The following RBM42 variants were observed in gnomAD, a reference collection of about 807,000 sequenced individuals.
The protein encoded by RBM42 is RNA-binding protein 42.
In RBM42, 21 loss-of-function variants were observed where a neutral mutation model predicts 41.4. The ratio of observed to expected loss-of-function variants is 0.51; its 90% CI spans 0.36 to 0.73. The LOEUF (loss-of-function observed/expected upper bound fraction) is 0.73, where lower values mean the gene tolerates loss of function less well. RBM42 is among the 30% of genes least tolerant of loss of function. RBM42 has a pLI of 0.00. For missense variants in RBM42, 539 were observed against 680.4 expected (o/e 0.79, Z 2.31); for synonymous variants, 272 against 271.2 (o/e 1.00, Z -0.03).
At chr19:35,631,502 C>T in intron 4 of RBM42, 97 bp downstream of exon 4, 1 of 1,116,926 alleles carries the variant, frequency 9.0e-7, no homozygotes, top group South Asian at 1.4e-5. Flanking sequence ...TTACCCTTTG[C>T]CTTTGATCCC....
rs1967435330 is a variant in RBM42 at position 35,633,157 on chromosome 19, C to G, written c.589C>G (p.Leu197Val). Residue 197 changes from leucine (L) to valine (V), a missense_variant, in exon 6 of 10, where the codon CTG (leucine) becomes GTG (valine). Around this residue, in one of 2 missense-constraint regions of RBM42, gnomAD observed 429 missense variants for 488.9 expected, o/e 0.88. Transcript: ENST00000262633. ...PPHQALVGPP[L>V]PGPPGPPMML... ...TCACCAGGCCCTCGTGGGCCCCCCT[C>G]TGCCTGGGCCCCCTGGACCACCCAT... is the stretch of plus-strand genomic sequence containing the variant. 1.9e-6 allele frequency: 3 copies of G among 1,589,054 alleles called. No homozygotes were observed. The East Asian group carries it at 6.7e-5, about 36-fold the overall frequency.
At chr19:35,632,457 A>C (rs1182117476) in intron 4 of RBM42, among the ~76,000 whole-genome samples, 2 of 152,216 alleles carry the variant, frequency 1.3e-5, no homozygotes, top group South Asian at 4.1e-4. Flanking sequence ...TCTTCCTGCC[A>C]ATAATATTCC....
In RBM42 at chr19:35,633,880, C is replaced by T; in HGVS notation, c.878C>T (p.Pro293Leu). ...CCGCTGGCCCTGGCCATGCCATTGCCCGAGCCTGAGCCCCTGCCCCTCCCG... is the reference window on the plus strand; with the variant it reads ...CCGCTGGCCCTGGCCATGCCATTGCTCGAGCCTGAGCCCCTGCCCCTCCCG... ...SLPLALAMPL[P>L]EPEPLPLPLE... The change falls in exon 7 of 10, where the codon CCC becomes CTC. Residue 293 changes from proline (P) to leucine (L), a missense_variant. Pro to Leu is a moderately conservative substitution (Grantham distance 98). Transcript: ENST00000262633. 6.3e-7 allele frequency: 1 copy of T among 1,594,600 alleles called. No homozygotes were observed. The highest frequency in any genetic ancestry group is 8.5e-7 in the Non-Finnish European group (1 of 1,174,498).
Position 35,631,351 on chromosome 19 carries a change from C to G in RBM42, c.388C>G (p.Arg130Gly). The change falls in exon 4 of 10, where the codon CGG (arginine) becomes GGG (glycine). Residue 130 changes from arginine to glycine, a missense_variant. By Grantham distance (125) the Arg-to-Gly change is moderately radical. Coordinates refer to ENST00000262633, the MANE Select transcript of RBM42 (RefSeq NM_024321.5). ...VGPVGFGPGD[R>G]SHLDSPEARE... ...AACAGTTGGCTTTGGCCCTGGTGAT[C>G]GGAGTCACCTGGACAGCCCAGAGGC... The G allele has an allele frequency of 6.2e-7, 1 of 1,614,200 alleles. No individual in the cohort carries two copies. Among genetic ancestry groups the G allele is most frequent in the Non-Finnish European group, 8.5e-7 (1 of 1,180,038 alleles).
At chr19:35,629,367 G>C in intron 1 of RBM42, 86 bp downstream of exon 1, 1 of 1,501,130 alleles carries the variant, frequency 6.7e-7, no homozygotes, top group Non-Finnish European at 8.9e-7. Flanking sequence ...ATAGGCCGGA[G>C]ATACGGCTCT....
rs763283655 is a variant in RBM42 at position 35,631,147 on chromosome 19, A to G, written c.290A>G (p.Gln97Arg). ...IATNTYQQVQQTLEARAAAAA... is the reference protein window; with the variant it reads ...IATNTYQQVQRTLEARAAAAA... The stretch of plus-strand genomic sequence containing the variant: ...TGACCTCTTCCTCGACAGGTCCAGC[A>G]GACTCTGGAGGCCCGAGCAGCTGCT... The change falls in exon 3 of 10, where the codon CAG (glutamine) becomes CGG (arginine). Residue 97 changes from glutamine to arginine, a missense_variant. By Grantham distance (43) the Gln-to-Arg change is conservative (BLOSUM62 1). Transcript: ENST00000262633. The G allele has an allele frequency of 1.1e-5, 18 of 1,613,980 alleles. No individual in the cohort carries two copies. The highest frequency in any genetic ancestry group is 1.4e-5 in the Non-Finnish European group (17 of 1,180,014).
At chr19:35,631,297 C>T (rs761520399) in intron 3 of RBM42, 34 bp from the exon 4 acceptor site, 2 of 1,612,884 alleles carry the variant, frequency 1.2e-6, no homozygotes, top group Non-Finnish European at 1.7e-6. Context: ...ACAGGACTCT[C>T]CTCCCACCAT....
chr19:35,635,308 C>A (rs1967477162), intron 8 of RBM42, among the ~76,000 whole-genome samples: 1 of 145,296 alleles, frequency 6.9e-6, no homozygotes. Flanking sequence ...GAACAAGACT[C>A]CATCTCAAAA....
At position 35,629,601 on chromosome 19, in the gene RBM42, C is replaced by CA; in HGVS notation, c.211dup (p.Thr71AsnfsTer59). On this transcript the variant is annotated frameshift_variant, in exon 2 of 10. Coordinates refer to ENST00000262633, the MANE Select transcript of RBM42 (RefSeq NM_024321.5). LOFTEE classifies it high-confidence loss of function. ...CGGTGCCCACTGTCCCCACGGTCCC[C>CA]ACAGTAGAAGCGATGCAGGTCCCAG... is the stretch of plus-strand genomic sequence containing the variant. 5 of 1,614,234 alleles carry CA rather than the reference C, an allele frequency of 3.1e-6. No homozygotes were observed. Among genetic ancestry groups the CA allele is most frequent in the Non-Finnish European group, 4.2e-6 (5 of 1,180,044 alleles).
chr19:35,629,383 G>A, intron 1 of RBM42, 102 bp downstream of exon 1: 1 of 1,519,394 alleles, frequency 6.6e-7, no homozygotes, highest in East Asian at 2.3e-5. Flanking sequence ...GCTCTAACAT[G>A]GGGAAGTGGG....
rs552717401 is a variant in RBM42, at chr19:35,637,537, A to C, written c.1426A>C (p.Lys476Gln). 4 of 1,614,030 alleles carry C rather than the reference A, an allele frequency of 2.5e-6. No individual in the cohort carries two copies. Among genetic ancestry groups the C allele is most frequent in the African/African-American group, 1.3e-5 (1 of 74,924 alleles). The change falls in exon 10 of 10, where the codon AAG becomes CAG. Residue 476 changes from lysine to glutamine, a missense_variant. Coordinates refer to ENST00000262633, the MANE Select transcript of RBM42 (RefSeq NM_024321.5). This position sits in a 1 kb window ranked among gnomAD's most constrained non-coding sequence, Gnocchi z 7.0. ...CCGCAAGAAGCAGAAGGAAAAGAAG[A>C]AGCTGGGCCTGAGATAGGGTCTGTG... ...VVRKKQKEKK[K>Q]LGLR
In RBM42 at chr19:35,631,352, G is replaced by A. The variant is rs749947202; in HGVS notation, c.389G>A (p.Arg130Gln). Residue 130 changes from arginine (R) to glutamine (Q), a missense_variant, in exon 4 of 10, where the codon CGG becomes CAG. Transcript: ENST00000262633. ...ACAGTTGGCTTTGGCCCTGGTGATCGGAGTCACCTGGACAGCCCAGAGGCT... is the reference window on the plus strand; with the variant it reads ...ACAGTTGGCTTTGGCCCTGGTGATCAGAGTCACCTGGACAGCCCAGAGGCT... ...VGPVGFGPGD[R>Q]SHLDSPEARE... 4.3e-6 allele frequency: 7 copies of A among 1,614,194 alleles called. No homozygotes were observed. The highest frequency in any genetic ancestry group is 1.7e-5 in the Admixed American group (1 of 60,018).
At position 35,633,125 on chromosome 19, in the gene RBM42, G is replaced by T; in HGVS notation, c.557G>T (p.Arg186Leu). 6.2e-7 allele frequency: 1 copy of T among 1,601,748 alleles called. No individual in the cohort carries two copies. The highest frequency in any genetic ancestry group is 8.6e-7 in the Non-Finnish European group (1 of 1,168,996). ...AAAGPRPMALRPPHQALVGPP... is the reference protein window; with the variant it reads ...AAAGPRPMALLPPHQALVGPP... ...GCCGGCCCCCGCCCTATGGCCCTACGGCCCCCTCACCAGGCCCTCGTGGGC... is the reference window on the plus strand; with the variant it reads ...GCCGGCCCCCGCCCTATGGCCCTACTGCCCCCTCACCAGGCCCTCGTGGGC... Residue 186 changes from arginine (R) to leucine (L), a missense_variant, in exon 6 of 10, where the codon CGG becomes CTG. This residue lies in a region of RBM42 where 429 missense variants were observed against 488.9 expected (regional missense o/e 0.88). Transcript: ENST00000262633.
chr19:35,633,303 C>T (rs1218396352), intron 6 of RBM42, 51 bp downstream of exon 6: 2 of 1,422,448 alleles, frequency 1.4e-6, no homozygotes, highest in Non-Finnish European at 1.9e-6. Context: ...ACGGGGAGAC[C>T]ATCCATCCTG....
chr19:35,630,965 A>C (rs181185046), intron 2 of RBM42, among the ~76,000 whole-genome samples, 175 bp from the exon 3 acceptor site: 3 of 151,458 alleles, frequency 2.0e-5, no homozygotes, highest in Non-Finnish European at 4.5e-5. Flanking sequence ...TGCTGCTCAG[A>C]GAGCCCTAGT....
chr19:35,631,059 C>A, intron 2 of RBM42, 81 bp from the exon 3 acceptor site: 2 of 1,215,052 alleles, frequency 1.6e-6, no homozygotes, highest in Non-Finnish European at 2.4e-6. Context: ...AAGCATGAAG[C>A]TCTTGGTCTC....
intron 8 of RBM42, among the ~76,000 whole-genome samples, chr19:35,636,787 G>T (rs1475121098): frequency 2.0e-5 from 3 of 152,190 alleles, no homozygotes; most frequent in Non-Finnish European, 4.4e-5. Context: ...AGAGTTAAGG[G>T]TGTTACTACA....
At position 35,631,236 on chromosome 19, in the gene RBM42, G is replaced by GT; in HGVS notation, c.367+13dup. 6.2e-7 allele frequency: 1 copy of GT among 1,613,840 alleles called. No homozygotes were observed. The highest frequency in any genetic ancestry group is 8.5e-7 in the Non-Finnish European group (1 of 1,179,748). On this transcript the variant is annotated intron_variant, in intron 3 of 9. Coordinates refer to ENST00000262633, the MANE Select transcript of RBM42 (RefSeq NM_024321.5). ...TTTTGTAGGCCCTGGTAAGTAAAGAGTAGCAAGGTGAGGGGGTTGGGCAAT... is the reference window on the plus strand; with the variant it reads ...TTTTGTAGGCCCTGGTAAGTAAAGAGTTAGCAAGGTGAGGGGGTTGGGCAAT...
Position 35,629,130 on chromosome 19 carries a change from G to A in RBM42, c.-24G>A, listed in dbSNP as rs569920693. On this transcript the variant is annotated 5_prime_UTR_variant, in exon 1 of 10. Transcript: ENST00000262633. Reference sequence around the variant, plus strand: ...CGGCGGCTAAGCAGAGACTGTAGTAGCGGCGACAGCGACGACGGCAGCGAT... The same window carrying A: ...CGGCGGCTAAGCAGAGACTGTAGTAACGGCGACAGCGACGACGGCAGCGAT... 1 of 1,520,846 alleles carries A rather than the reference G, an allele frequency of 6.6e-7. No individual in the cohort carries two copies. The highest frequency in any genetic ancestry group is 1.4e-5 in the African/African-American group (1 of 71,440). The allele number at this position is 1,520,846 out of a possible 1,614,324, so 94.2% of individuals were successfully genotyped here. A position where few individuals can be genotyped will look rare whatever the true frequency, so the allele number is the denominator to read the frequency against.
Sources: gnomAD v4.1 joint callset for allele counts (sites outside exome capture counted in the v4.1 genomes callset) on GRCh38, gnomAD v4.1.1 for gene constraint, gnomAD v4.1.1 regional missense constraint, Gnocchi (gnomAD v3.1) non-coding constraint, MANE v1.5 for transcripts, NCBI Gene and HGNC (gene_info 2026-07-23, HGNC 2026-07-21) for gene names.